The following TAPT1 variants were observed in gnomAD, a reference collection of about 807,000 sequenced individuals.
TAPT1 encodes transmembrane anterior posterior transformation 1, also known as transmembrane anterior posterior transformation protein 1 homolog.
Under a neutral mutation model 65.6 loss-of-function variants are expected in TAPT1, and 28 were observed. The observed-to-expected ratio is 0.43, with a 90% CI of 0.32 to 0.59. The LOEUF is 0.59. Among genes scored for constraint, TAPT1 ranks in the 20% least tolerant of loss-of-function variants. TAPT1 has a pLI of 0.09. For synonymous variants in TAPT1, 278 were observed against 245.2 expected (o/e 1.13, Z -1.25); for missense variants, 563 against 679.9 (o/e 0.83, Z 1.91).
rs2149658253 is a variant in TAPT1 at position 16,161,241 on chromosome 4, A to G, written c.*2067T>C. On this transcript the variant is annotated 3_prime_UTR_variant, in exon 14 of 14. Transcript: ENST00000405303. ...AATAAATACTTATTATACAGTGGGA[A>G]ATTCACTCTACCAAATACAATAGTA... is the stretch of plus-strand genomic sequence containing the variant. 6.5e-6 allele frequency: 1 copy of G among 152,786 alleles called. No homozygotes were observed. Among genetic ancestry groups the G allele is most frequent in the Middle Eastern group, 3.4e-3 (1 of 294 alleles). The allele number at this position is 152,786 out of a possible 1,614,324, so 9.5% of individuals were successfully genotyped here. A position where few individuals can be genotyped will look rare whatever the true frequency, so the allele number is the denominator to read the frequency against.
intron 2 of TAPT1, 130 bp from the exon 3 acceptor site, chr4:16,202,710 C>G (rs1405086829): frequency 1.5e-5 from 8 of 537,256 alleles, no homozygotes; most frequent in Non-Finnish European, 2.3e-5. Context: ...CTGGGAATAA[C>G]AAATTAACAG....
chr4:16,200,098 T>C (rs1749945259), intron 3 of TAPT1, among the ~76,000 whole-genome samples: 3 of 152,136 alleles, frequency 2.0e-5, no homozygotes, highest in Non-Finnish European at 4.4e-5. Flanking sequence ...TGCTAACCAA[T>C]GCCCAAGGAA....
At chr4:16,191,334 C>G (rs1410565092) in intron 4 of TAPT1, 27 bp downstream of exon 4, 3 of 1,581,252 alleles carry the variant, frequency 1.9e-6, no homozygotes, top group Non-Finnish European at 2.6e-6. Flanking sequence ...CCTGGCCAGG[C>G]CTGTGCGGGG....
At chr4:16,170,281 A>T (rs1747907116) in intron 12 of TAPT1, among the ~76,000 whole-genome samples, 1 of 152,242 alleles carries the variant, frequency 6.6e-6, no homozygotes, top group Non-Finnish European at 1.5e-5. Context: ...ATGCCTGCCT[A>T]CAGTGTGCTG....
intron 5 of TAPT1, among the ~76,000 whole-genome samples, chr4:16,187,109 A>AT (rs1327136974): frequency 6.6e-6 from 1 of 152,198 alleles, no homozygotes; most frequent in East Asian, 1.9e-4. Flanking sequence ...GCATTCATTT[A>AT]TTTAGACCAT....
intron 1 of TAPT1, among the ~76,000 whole-genome samples, chr4:16,222,318 T>C (rs1026423250): frequency 2.0e-5 from 3 of 152,242 alleles, no homozygotes; most frequent in Non-Finnish European, 4.4e-5. Context: ...CTATATATAC[T>C]AATTAAGTAA....
rs1383735557 is a variant in TAPT1, at chr4:16,160,694, TA to T, written c.*2613del. ...CAGTTTCTGACACATAGGAAGTGAT[TA>T]ACAAATCTTTGTTGATAAAAAATAG... On this transcript the variant is annotated 3_prime_UTR_variant, in exon 14 of 14. Transcript: ENST00000405303. 6.6e-6 allele frequency: 1 copy of T among 152,250 alleles called. No individual in the cohort carries two copies. Among genetic ancestry groups the T allele is most frequent in the Non-Finnish European group, 1.5e-5 (1 of 68,034 alleles). The allele number at this position is 152,250 out of a possible 1,614,324, so 9.4% of individuals were successfully genotyped here. A position where few individuals can be genotyped will look rare whatever the true frequency, so the allele number is the denominator to read the frequency against.
At chr4:16,213,359 CAT>C (rs147880818) in intron 2 of TAPT1, among the ~76,000 whole-genome samples, 3,642 of 152,174 alleles carry the variant, frequency 0.024, 138 homozygotes, top group African/African-American at 0.083. Context: ...TGTTTATAAA[CAT>C]GTGGGCTTTC....
intron 3 of TAPT1, among the ~76,000 whole-genome samples, chr4:16,201,606 A>G (rs1431752730): frequency 6.6e-6 from 1 of 152,204 alleles, no homozygotes; most frequent in East Asian, 1.9e-4. Context: ...AAACCGTAAA[A>G]GCCAAACTCG....
At chr4:16,226,025 T>C (rs564253781) in intron 1 of TAPT1, 7 of 1,004,728 alleles carry the variant, frequency 7.0e-6, no homozygotes, top group East Asian at 1.0e-4. Context: ...AGGGCACACC[T>C]GGCCTGGCGC....
Position 16,224,047 on chromosome 4 carries a change from A to C in TAPT1, c.199+2212T>G, listed in dbSNP as rs550043666. 3.9e-5 allele frequency among the ~76,000 whole-genome samples: 6 copies of C among 152,272 alleles called. No homozygotes were observed. The East Asian group carries it at 1.2e-3, about 29-fold the overall frequency. On this transcript the variant is annotated intron_variant, in intron 1 of 13. Transcript: ENST00000405303. ...TAACTTGCAGGGGGATCTAGATCTCAAGGGCAGTGGTGCTAGACTCTCAGA... is the reference window on the plus strand; with the variant it reads ...TAACTTGCAGGGGGATCTAGATCTCCAGGGCAGTGGTGCTAGACTCTCAGA...
chr4:16,182,275 T>A (rs766164510), intron 7 of TAPT1, among the ~76,000 whole-genome samples: 1 of 152,160 alleles, frequency 6.6e-6, no homozygotes, highest in African/African-American at 2.4e-5. Context: ...ATACTGATAA[T>A]CAAACATATA....
intron 13 of TAPT1, among the ~76,000 whole-genome samples, chr4:16,165,028 G>A (rs1194167859): frequency 6.6e-6 from 1 of 152,062 alleles, no homozygotes; most frequent in African/African-American, 2.4e-5. Flanking sequence ...TTCTCCAGAC[G>A]CTTTTCCAGG....
chr4:16,214,620 A>G (rs962336029), intron 1 of TAPT1: 1 of 152,140 alleles, frequency 6.6e-6, no homozygotes, highest in African/African-American at 2.4e-5. Flanking sequence ...ACTCACTACA[A>G]CTGGAAGCTT....
chr4:16,227,306 T>A, upstream of TAPT1: 1 of 456,110 alleles, frequency 2.2e-6, no homozygotes, highest in Non-Finnish European at 4.4e-6. Context: ...ACTGTGTCCT[T>A]ACTTTGTCGC....
chr4:16,226,333 G>C lies in TAPT1; in HGVS notation c.125C>G (p.Pro42Arg). The change falls in exon 1 of 14, where the codon CCG (proline) becomes CGG (arginine). Residue 42 changes from proline to arginine, a missense_variant. Transcript: ENST00000405303. The stretch of plus-strand genomic sequence containing the variant: ...CAGCGTCTCTGTGAGCTGAGGCGCC[G>C]GCGGGGGCCCCTGTCCGCCGCTGCC... ...PGGSGGQGPP[P>R]APQLTETLGF... is the part of the protein sequence containing the mutation. 3 of 1,119,920 alleles carry C rather than the reference G, an allele frequency of 2.7e-6. No homozygotes were observed. Among genetic ancestry groups the C allele is most frequent in the Non-Finnish European group, 3.3e-6 (3 of 916,994 alleles). 69.4% of individuals were successfully genotyped at this position (1,119,920 alleles called of 1,614,324 possible).
chr4:16,196,565 CT>C (rs1308938728), intron 3 of TAPT1: 29 of 540,000 alleles, frequency 5.4e-5, no homozygotes, highest in South Asian at 2.6e-4. Context: ...TTTCTACCCC[CT>C]AATGGCTATG....
rs183054243 is a variant in TAPT1, at chr4:16,202,507, A to G, written c.404T>C (p.Phe135Ser). The stretch of plus-strand genomic sequence containing the variant: ...AGTGAGGAGCCTGAATAGTGCCAGG[A>G]AAACTCTTAAAGGAAGCAGGGTGAA... ...YVFTLLPLRV[F>S]LALFRLLTLP... Residue 135 changes from phenylalanine to serine, a missense_variant, in exon 3 of 14, where the codon TTC becomes TCC. By Grantham distance (155) the Phe-to-Ser change is radical (BLOSUM62 -2). Transcript: ENST00000405303. 9.7e-5 allele frequency: 150 copies of G among 1,553,174 alleles called. 2 individuals are homozygous for G. The Middle Eastern group carries it at 1.0e-3, about 10-fold the overall frequency.
At chr4:16,226,652 CG>C (rs1751595480), upstream of TAPT1, 1 of 184,528 alleles carries the variant, frequency 5.4e-6, no homozygotes, top group Admixed American at 6.6e-5. Context: ...GCCGCCGCCA[CG>C]GTAGCCGCCA....
Sources: allele counts gnomAD v4.1 joint callset (sites outside exome capture counted in the v4.1 genomes callset), GRCh38; gene constraint gnomAD v4.1.1; transcripts MANE v1.5; gene names NCBI Gene and HGNC (gene_info 2026-07-23, HGNC 2026-07-21).